The following LDLRAP1 variants were observed in gnomAD, a reference collection of about 807,000 sequenced individuals.
The protein encoded by LDLRAP1 is low density lipoprotein receptor adaptor protein 1, also known as low density lipoprotein receptor adapter protein 1.
Under a neutral mutation model 37.8 loss-of-function variants are expected in LDLRAP1, and 30 were observed. The ratio of observed to expected loss-of-function variants is 0.79; its 90% CI spans 0.59 to 1.08. LDLRAP1 has a LOEUF of 1.08. Among genes scored for constraint, LDLRAP1 ranks in the 50% least tolerant of loss-of-function variants. The pLI, the probability that LDLRAP1 is intolerant of heterozygous loss-of-function variation, is 0.00. For missense variants in LDLRAP1, 375 were observed against 401.6 expected, an observed-to-expected ratio of 0.93 and a Z score of 0.57; for synonymous variants, 156 against 169.8, an observed-to-expected ratio of 0.92 and a Z score of 0.63.
In LDLRAP1 at chr1:25,554,593, A is replaced by T. The variant is rs534779149; in HGVS notation, c.232-267A>T. On this transcript the variant is annotated intron_variant, in intron 2 of 8. Transcript: ENST00000374338. The surrounding 1 kb of genome is among the most constrained non-coding windows in gnomAD (Gnocchi z 5.4). The stretch of plus-strand genomic sequence containing the variant: ...CCTTCTAGCTGTGTGTCCTTGGGTA[A>T]GTCCCTTAGCCTCTCTGAGTCCATC... Among the ~76,000 whole-genome samples the T allele has an allele frequency of 8.5e-5, 13 of 152,334 alleles. No homozygotes were observed. Among genetic ancestry groups the T allele is most frequent in the African/African-American group, 3.1e-4 (13 of 41,578 alleles).
chr1:25,559,801 A>G (rs959161012), intron 4 of LDLRAP1, among the ~76,000 whole-genome samples: 2 of 152,204 alleles, frequency 1.3e-5, no homozygotes, highest in African/African-American at 4.8e-5. Context: ...AGGAGATGGA[A>G]TAGCTGCGTC....
the LDLRAP1 span, among the ~76,000 whole-genome samples, chr1:25,576,534 C>CA: frequency 2.6e-5 from 4 of 152,030 alleles, no homozygotes; most frequent in Non-Finnish European, 4.4e-5. Context: ...CTCAAAAAAA[C>CA]AAAAAACAAA....
chr1:25,575,967 G>T, the LDLRAP1 span, among the ~76,000 whole-genome samples: 1 of 152,126 alleles, frequency 6.6e-6, no homozygotes, highest in Non-Finnish European at 1.5e-5. Context: ...GGTGGCTCAC[G>T]CCTGTAATCC....
intron 7 of LDLRAP1, 128 bp downstream of exon 7, chr1:25,563,919 G>C (rs2044412712): frequency 8.2e-7 from 1 of 1,221,042 alleles, no homozygotes; most frequent in Admixed American, 1.8e-5. Context: ...GACCCAGCCC[G>C]GTAGTGCCCA....
the LDLRAP1 span, among the ~76,000 whole-genome samples, chr1:25,579,547 C>T: frequency 6.6e-6 from 1 of 152,222 alleles, no homozygotes; most frequent in Admixed American, 6.5e-5. Flanking sequence ...GAATTGTTTT[C>T]AGCACAGTTA....
rs1376356733 is a variant in LDLRAP1 at position 25,543,610 on chromosome 1, C to T, written c.-89C>T. 2 of 932,340 alleles carry T rather than the reference C, an allele frequency of 2.1e-6. No individual in the cohort carries two copies. The highest frequency in any genetic ancestry group is 4.6e-5 in the Admixed American group (1 of 21,878). The allele number at this position is 932,340 out of a possible 1,614,324, so 57.8% of individuals were successfully genotyped here. On this transcript the variant is annotated 5_prime_UTR_variant, in exon 1 of 9. Coordinates refer to ENST00000374338, the MANE Select transcript of LDLRAP1 (RefSeq NM_015627.3). ...GGAGCTGGCGCTGGGAGGGGAGGAG[C>T]GCGCAGCCCGCGCGCCGCAGGGCCG...
chr1:25,548,431 T>A (rs1460647617), intron 1 of LDLRAP1, among the ~76,000 whole-genome samples: 1 of 134,522 alleles, frequency 7.4e-6, no homozygotes, highest in African/African-American at 2.8e-5. Context: ...CAGTGCAACC[T>A]CCACCTCCTT....
At chr1:25,582,594 A>G in the LDLRAP1 span, among the ~76,000 whole-genome samples, 13 of 151,974 alleles carry the variant, frequency 8.6e-5, 1 homozygote, top group Middle Eastern at 3.4e-3. Context: ...AAAAAAAAAA[A>G]AAAAATTACC....
At chr1:25,566,729 C>T (rs1001302743) in intron 8 of LDLRAP1, 119 bp from the exon 9 acceptor site, 18 of 1,260,838 alleles carry the variant, frequency 1.4e-5, no homozygotes, top group East Asian at 2.5e-5. Context: ...TCCCCTGCAC[C>T]GGGGGCTTCC....
intron 8 of LDLRAP1, 60 bp from the exon 9 acceptor site, chr1:25,566,788 T>C: frequency 6.4e-7 from 1 of 1,572,810 alleles, no homozygotes; most frequent in Non-Finnish European, 8.6e-7. Context: ...CCCTCGCGTC[T>C]GACCCTGGGG....
At chr1:25,576,172 CA>C in the LDLRAP1 span, among the ~76,000 whole-genome samples, 1 of 151,990 alleles carries the variant, frequency 6.6e-6, no homozygotes, top group Admixed American at 6.6e-5. Flanking sequence ...GCAGAGGTTG[CA>C]GTGAGCCAAG....
intron 8 of LDLRAP1, among the ~76,000 whole-genome samples, 181 bp from the exon 9 acceptor site, chr1:25,566,667 C>G (rs1311798196): frequency 1.3e-5 from 2 of 152,162 alleles, no homozygotes; most frequent in African/African-American, 4.8e-5. Context: ...CCTGACTTTT[C>G]TGAGCTGTTT....
At chr1:25,565,369 G>A (rs2044451197) in intron 8 of LDLRAP1, among the ~76,000 whole-genome samples, 162 bp downstream of exon 8, 1 of 152,166 alleles carries the variant, frequency 6.6e-6, no homozygotes, top group South Asian at 2.1e-4. Context: ...CAGGGGCAGG[G>A]AGCTCACTGG....
Position 25,553,880 on chromosome 1 carries a change from C to T in LDLRAP1, c.89-42C>T, listed in dbSNP as rs200437304. ...GTGAGAGCTGTTGCTGGTGGTGGGC[C>T]CTGAGCCGCAGGGTCTGAGGGCCTA... On this transcript the variant is annotated intron_variant, in intron 1 of 8. Transcript: ENST00000374338. 22 of 1,608,896 alleles carry T rather than the reference C, an allele frequency of 1.4e-5. 1 individual carries two copies. The Middle Eastern group carries it at 5.3e-4, about 39-fold the overall frequency.
Position 25,543,625 on chromosome 1 carries a change from C to T in LDLRAP1, c.-74C>T, listed in dbSNP as rs1487544157. On this transcript the variant is annotated 5_prime_UTR_variant, in exon 1 of 9. Transcript: ENST00000374338. ...AGGGGAGGAGCGCGCAGCCCGCGCGCCGCAGGGCCGGGCGGAAAGTTTTTC... is the reference window on the plus strand; with the variant it reads ...AGGGGAGGAGCGCGCAGCCCGCGCGTCGCAGGGCCGGGCGGAAAGTTTTTC... 3 of 1,078,048 alleles carry T rather than the reference C, an allele frequency of 2.8e-6. No homozygotes were observed. The highest frequency in any genetic ancestry group is 1.6e-5 in the African/African-American group (1 of 60,728). 66.8% of individuals were successfully genotyped at this position (1,078,048 alleles called of 1,614,324 possible). A position where few individuals can be genotyped will look rare whatever the true frequency, so the allele number is the denominator to read the frequency against.
chr1:25,572,445 G>A (rs2124711572), downstream of LDLRAP1, among the ~76,000 whole-genome samples: 1 of 152,314 alleles, frequency 6.6e-6, no homozygotes, highest in South Asian at 2.1e-4. Context: ...GCCCAGCCTG[G>A]TTTGGTAAAA....
At chr1:25,546,418 T>G (rs1472245640) in intron 1 of LDLRAP1, among the ~76,000 whole-genome samples, 2 of 152,240 alleles carry the variant, frequency 1.3e-5, no homozygotes, top group African/African-American at 4.8e-5. Flanking sequence ...CCCAGGCTTC[T>G]TTCCACCCAG....
rs1052934251 is a variant in LDLRAP1, at chr1:25,567,006, G to A, written c.*14G>A. 6.2e-7 allele frequency: 1 copy of A among 1,613,158 alleles called. No homozygotes were observed. The highest frequency in any genetic ancestry group is 8.5e-7 in the Non-Finnish European group (1 of 1,179,998). ...TTCAGCTTCTGAGGGCCCGGGGCCAGCCGGACACAAGCGGCCCTGACACGT... is the reference window on the plus strand; with the variant it reads ...TTCAGCTTCTGAGGGCCCGGGGCCAACCGGACACAAGCGGCCCTGACACGT... On this transcript the variant is annotated 3_prime_UTR_variant, in exon 9 of 9. Transcript: ENST00000374338.
Position 25,544,662 on chromosome 1 carries a change from C to T in LDLRAP1, c.88+876C>T, listed in dbSNP as rs2043889814. Among the ~76,000 whole-genome samples, 1 of 152,120 alleles carries T rather than the reference C, an allele frequency of 6.6e-6. No homozygotes were observed. Among genetic ancestry groups the T allele is most frequent in the African/African-American group, 2.4e-5 (1 of 41,422 alleles). On this transcript the variant is annotated intron_variant, in intron 1 of 8. Transcript: ENST00000374338. The surrounding 1 kb of genome is among the most constrained non-coding windows in gnomAD (Gnocchi z 4.8). ...GTCACCTGGCACCTTCCCCTGAAGC[C>T]AGAAGACCCAGCCTAGCGCAGGTCT...
Sources: allele counts gnomAD v4.1 joint callset (sites outside exome capture counted in the v4.1 genomes callset), GRCh38; gene constraint gnomAD v4.1.1; non-coding constraint Gnocchi (gnomAD v3.1); transcripts MANE v1.5; gene names NCBI Gene and HGNC (gene_info 2026-07-23, HGNC 2026-07-21).